The following TFPI variants were observed in gnomAD, a reference collection of about 807,000 sequenced individuals.
TFPI encodes the protein anti-convertin.
In TFPI, 15 loss-of-function variants were observed where a neutral mutation model predicts 34.6. That is an observed-to-expected ratio of 0.43 (90% CI 0.29 to 0.67). The LOEUF is 0.67. TFPI is among the 30% of genes least tolerant of loss of function. The pLI, the probability that TFPI is intolerant of heterozygous loss-of-function variation, is 0.15. For missense variants in TFPI, 301 were observed against 364.0 expected (o/e 0.83, Z 1.41); for synonymous variants, 105 against 120.1 (o/e 0.87, Z 0.82).
chr2:187,491,627 A>G (rs1262010706), intron 3 of TFPI, among the ~76,000 whole-genome samples: 1 of 152,082 alleles, frequency 6.6e-6, no homozygotes, highest in African/African-American at 2.4e-5. Context: ...CGTTGATTTT[A>G]TATCTTTGCT....
At chr2:187,483,964 T>A in intron 6 of TFPI, 160 bp downstream of exon 6, 1 of 616,334 alleles carries the variant, frequency 1.6e-6, no homozygotes, top group Admixed American at 3.6e-5. Flanking sequence ...TGAGATTAAA[T>A]GTCTTAAACA....
chr2:187,483,994 A>C, intron 6 of TFPI, 130 bp downstream of exon 6: 1 of 743,150 alleles, frequency 1.3e-6, no homozygotes, highest in Admixed American at 3.2e-5. Flanking sequence ...TCAGTATTTC[A>C]ACAAACACAT....
At chr2:187,502,139 A>C (rs1443231178) in intron 2 of TFPI, among the ~76,000 whole-genome samples, 2 of 152,188 alleles carry the variant, frequency 1.3e-5, no homozygotes, top group African/African-American at 4.8e-5. Context: ...AGAGGTCTTT[A>C]AGTCTAGCTT....
chr2:187,471,159 T>G (rs2105955590), intron 6 of TFPI, among the ~76,000 whole-genome samples: 1 of 152,328 alleles, frequency 6.6e-6, no homozygotes, highest in Middle Eastern at 3.4e-3. Context: ...TATAAGGCGG[T>G]TATTCTTCAG....
intron 1 of TFPI, among the ~76,000 whole-genome samples, chr2:187,548,711 A>C (rs1688986227): frequency 6.6e-6 from 1 of 152,022 alleles, no homozygotes; most frequent in Non-Finnish European, 1.5e-5. Flanking sequence ...GCACCTCAGA[A>C]ATTTTTTGCT....
intron 1 of TFPI, among the ~76,000 whole-genome samples, chr2:187,549,680 C>T (rs1689024611): frequency 6.6e-6 from 1 of 152,042 alleles, no homozygotes; most frequent in Admixed American, 6.6e-5. Flanking sequence ...TATCACATAG[C>T]TCCTGGGATA....
At chr2:187,548,857 A>T (rs1329431089) in intron 1 of TFPI, among the ~76,000 whole-genome samples, 2 of 152,028 alleles carry the variant, frequency 1.3e-5, no homozygotes, top group African/African-American at 4.8e-5. Flanking sequence ...CCCAGATTAA[A>T]CATCTTTCCT....
Position 187,554,418 on chromosome 2 carries a change from C to A in TFPI, c.-221G>T, listed in dbSNP as rs960678839. 3 of 152,156 alleles carry A rather than the reference C, an allele frequency of 2.0e-5. No individual in the cohort carries two copies. Among genetic ancestry groups the A allele is most frequent in the Non-Finnish European group, 2.9e-5 (2 of 68,040 alleles). The allele number at this position is 152,156 out of a possible 1,614,324, so 9.4% of individuals were successfully genotyped here. On this transcript the variant is annotated 5_prime_UTR_variant, in exon 1 of 8. The change creates a new upstream start codon in the 5' untranslated region. Transcript: ENST00000233156. The stretch of plus-strand genomic sequence containing the variant: ...GGTAAGAATTTGACTATTATCCAGC[C>A]TAAAGTCGCTGCTGTCTGTTAGAGC...
At chr2:187,547,041 TG>T (rs1483729923) in intron 1 of TFPI, 1 of 152,236 alleles carries the variant, frequency 6.6e-6, no homozygotes, top group African/African-American at 2.4e-5. Flanking sequence ...TCATTTCTCC[TG>T]AAGGCCTGTT....
chr2:187,481,343 T>G (rs1354876132), intron 6 of TFPI, among the ~76,000 whole-genome samples: 8 of 152,106 alleles, frequency 5.3e-5, no homozygotes, highest in Admixed American at 5.2e-4. Flanking sequence ...TAGAATGTAT[T>G]AATATAATTG....
chr2:187,552,148 T>C (rs1284975308), intron 1 of TFPI, among the ~76,000 whole-genome samples: 1 of 34,252 alleles, frequency 2.9e-5, no homozygotes, highest in African/African-American at 1.7e-4. Flanking sequence ...ATGTTTACTT[T>C]GCATTTTTTT....
intron 4 of TFPI, among the ~76,000 whole-genome samples, chr2:187,486,709 C>T (rs1693296194): frequency 6.6e-6 from 1 of 151,472 alleles, no homozygotes; most frequent in Non-Finnish European, 1.5e-5. Flanking sequence ...ATAAATTAAC[C>T]TTCTTATTGA....
intron 2 of TFPI, among the ~76,000 whole-genome samples, chr2:187,499,098 A>C (rs2106097207): frequency 6.6e-6 from 1 of 152,132 alleles, no homozygotes; most frequent in East Asian, 1.9e-4. Flanking sequence ...ATTGGTGAAC[A>C]TTGACAAGTT....
chr2:187,514,117 C>T (rs544049100), intron 1 of TFPI: 39 of 152,302 alleles, frequency 2.6e-4, no homozygotes, highest in Admixed American at 1.8e-3. Flanking sequence ...CTTCCCCAAC[C>T]GGTTTTTGTA....
chr2:187,522,753 C>G (rs1200641201), intron 1 of TFPI, among the ~76,000 whole-genome samples: 2 of 145,752 alleles, frequency 1.4e-5, no homozygotes, highest in East Asian at 4.1e-4. Flanking sequence ...AACCCAGGCA[C>G]GGTGGTGGGC....
intron 1 of TFPI, among the ~76,000 whole-genome samples, chr2:187,506,235 A>G (rs959696106): frequency 1.3e-5 from 2 of 152,042 alleles, no homozygotes; most frequent in Non-Finnish European, 2.9e-5. Context: ...TCCTCCCCCC[A>G]TAGTTCAGCA....
At chr2:187,541,922 G>A (rs940879770) in intron 1 of TFPI, among the ~76,000 whole-genome samples, 4 of 152,192 alleles carry the variant, frequency 2.6e-5, no homozygotes, top group Admixed American at 6.5e-5. Flanking sequence ...CTAACGCACA[G>A]AGTGTTCCAG....
intron 1 of TFPI, among the ~76,000 whole-genome samples, chr2:187,506,895 T>C (rs1686255576): frequency 2.6e-5 from 4 of 152,102 alleles, no homozygotes; most frequent in Admixed American, 1.3e-4. Flanking sequence ...TACCCCTACC[T>C]TTCCATACTG....
intron 3 of TFPI, among the ~76,000 whole-genome samples, chr2:187,494,142 T>C (rs942850154): frequency 1.3e-5 from 2 of 152,062 alleles, no homozygotes; most frequent in Admixed American, 6.6e-5. Context: ...GTGAGACCCA[T>C]TCACTACCAC....
Sources: gnomAD v4.1 joint callset for allele counts (sites outside exome capture counted in the v4.1 genomes callset) on GRCh38, gnomAD v4.1.1 for gene constraint, MANE v1.5 for transcripts, NCBI Gene and HGNC (gene_info 2026-07-23, HGNC 2026-07-21) for gene names.